RPS6KA2: variants seen among roughly 807,000 people sequenced by gnomAD.
RPS6KA2 encodes the protein ribosomal protein S6 kinase A2, also known as ribosomal protein S6 kinase alpha-2.
A neutral mutation model predicts 91.8 loss-of-function variants in RPS6KA2; 42 were observed. That is an observed-to-expected ratio of 0.46 (90% CI 0.36 to 0.59). RPS6KA2 has a LOEUF of 0.59. Among genes scored for constraint, RPS6KA2 ranks in the 20% least tolerant of loss-of-function variants. The pLI is 0.00. For synonymous variants in RPS6KA2, 414 were observed against 393.6 expected (o/e 1.05, Z -0.61); for missense variants, 798 against 978.5 (o/e 0.82, Z 2.46).
rs540905849 is a variant in RPS6KA2 at position 166,491,401 on chromosome 6, A to G, written c.748-660T>C. 1.7e-3 allele frequency among the ~76,000 whole-genome samples: 254 copies of G among 152,314 alleles called. 1 individual carries two copies. The highest frequency in any genetic ancestry group is 5.7e-3 in the African/African-American group (239 of 41,572). ...TTCTTGCACCAACTCCCCCGGGCAC[A>G]TGCAGTGGTGATTACACACACTCTG... On this transcript the variant is annotated intron_variant, in intron 8 of 20. Transcript: ENST00000265678.
chr6:166,722,823 T>A (rs1424449786), intron 2 of RPS6KA2, among the ~76,000 whole-genome samples: 1 of 152,224 alleles, frequency 6.6e-6, no homozygotes, highest in Non-Finnish European at 1.5e-5. Flanking sequence ...TCAGTTTCCA[T>A]GAGCTTCAAT....
chr6:166,427,648 T>C (rs917785746), intron 16 of RPS6KA2, among the ~76,000 whole-genome samples: 2 of 152,176 alleles, frequency 1.3e-5, no homozygotes, highest in African/African-American at 4.8e-5. Flanking sequence ...AGCATTCTTA[T>C]ACACCAATAA....
In RPS6KA2 at chr6:166,706,590, G is replaced by A. The variant is rs1282448218; in HGVS notation, c.123+151610C>T. 2.0e-5 allele frequency among the ~76,000 whole-genome samples: 3 copies of A among 152,170 alleles called. No homozygotes were observed. The South Asian group carries it at 6.2e-4, about 31-fold the overall frequency. On this transcript the variant is annotated intron_variant, in intron 2 of 21. Transcript: ENST00000503859. ...TGAAGATGAAGAACGAGTATCATCT[G>A]TGCTCTTTCCATCCCATGCTGCATA... is the stretch of plus-strand genomic sequence containing the variant.
At chr6:166,565,932 T>G (rs1281370640) in intron 1 of RPS6KA2, among the ~76,000 whole-genome samples, 3 of 152,200 alleles carry the variant, frequency 2.0e-5, no homozygotes, top group Non-Finnish European at 4.4e-5. Context: ...GGAGGACATT[T>G]CTAACAAAAC....
In RPS6KA2 at chr6:166,413,788, C is replaced by A. The variant is rs753378868; in HGVS notation, c.2076+6G>T. ...CCACTCTGTCCTCACTGTCGCCTGC[C>A]GGTACCTTCACCAGGTGCACGTCCT... On this transcript the variant is annotated splice_donor_region_variant and intron_variant, in intron 20 of 20. Transcript: ENST00000265678. 2 of 1,613,860 alleles carry A rather than the reference C, an allele frequency of 1.2e-6. No homozygotes were observed. The highest frequency in any genetic ancestry group is 1.3e-5 in the African/African-American group (1 of 75,028).
intron 3 of RPS6KA2, among the ~76,000 whole-genome samples, chr6:166,516,846 T>G (rs1782661303): frequency 6.6e-6 from 1 of 152,216 alleles, no homozygotes; most frequent in Admixed American, 6.5e-5. Flanking sequence ...TGAAGCAGCA[T>G]GGCAGAGAAA....
chr6:166,777,502 C>T lies in RPS6KA2; in HGVS notation c.123+80698G>A, dbSNP rs59535913. Among the ~76,000 whole-genome samples, 421 of 152,044 alleles carry T rather than the reference C, an allele frequency of 2.8e-3. 3 individuals are homozygous for T. Among genetic ancestry groups the T allele is most frequent in the African/African-American group, 9.1e-3 (379 of 41,434 alleles). ...AGAACCCAGGCAGCGCCACTCTGCACGATGGGCAGAGGACACACAAAAAGG... is the reference window on the plus strand; with the variant it reads ...AGAACCCAGGCAGCGCCACTCTGCATGATGGGCAGAGGACACACAAAAAGG... On this transcript the variant is annotated intron_variant, in intron 2 of 21. Transcript: ENST00000503859.
At chr6:166,693,422 G>T (rs981343053) in intron 2 of RPS6KA2, among the ~76,000 whole-genome samples, 9 of 152,106 alleles carry the variant, frequency 5.9e-5, no homozygotes, top group African/African-American at 2.2e-4. Flanking sequence ...ACATCAGCAG[G>T]GCCTCTACTA....
Position 166,648,168 on chromosome 6 carries a change from A to C in RPS6KA2, c.124-109384T>G, listed in dbSNP as rs1431434559. Among the ~76,000 whole-genome samples, 11 of 143,948 alleles carry C rather than the reference A, an allele frequency of 7.6e-5. No individual in the cohort carries two copies. The highest frequency in any genetic ancestry group is 2.1e-4 in the Admixed American group (3 of 14,544). The allele number at this position is 143,948 out of a possible 152,430, so 94.4% of individuals were successfully genotyped here. ...CGCACATGGTTACACACCCATGCACACATGCTCACACACATGCACACATGC... is the reference window on the plus strand; with the variant it reads ...CGCACATGGTTACACACCCATGCACCCATGCTCACACACATGCACACATGC... On this transcript the variant is annotated intron_variant, in intron 2 of 21. Transcript: ENST00000503859. The surrounding 1 kb of genome is among the most constrained non-coding windows in gnomAD (Gnocchi z 4.8).
intron 2 of RPS6KA2, among the ~76,000 whole-genome samples, chr6:166,646,272 A>C (rs2128552028): frequency 6.6e-6 from 1 of 152,376 alleles, no homozygotes; most frequent in African/African-American, 2.4e-5. Context: ...GCTGCAGAAC[A>C]GAAGCGGCGG....
chr6:166,472,377 A>G (rs983766554), intron 10 of RPS6KA2, among the ~76,000 whole-genome samples: 2 of 152,244 alleles, frequency 1.3e-5, no homozygotes, highest in Non-Finnish European at 2.9e-5. Context: ...CTACTATGTA[A>G]CTGGTATATG....
chr6:166,610,963 AT>A (rs1288725728), intron 1 of RPS6KA2, among the ~76,000 whole-genome samples: 3 of 152,212 alleles, frequency 2.0e-5, no homozygotes, highest in African/African-American at 7.2e-5. Flanking sequence ...GGAGAGTATT[AT>A]GAGAATGAGA....
intron 2 of RPS6KA2, among the ~76,000 whole-genome samples, chr6:166,647,897 CAT>C (rs1787682276): frequency 3.3e-5 from 5 of 150,050 alleles, no homozygotes; most frequent in African/African-American, 1.2e-4. Context: ...TACATACACA[CAT>C]GCTCACACAC....
At chr6:166,449,220 G>T (rs1779773225) in intron 13 of RPS6KA2, among the ~76,000 whole-genome samples, 1 of 152,182 alleles carries the variant, frequency 6.6e-6, no homozygotes, top group East Asian at 1.9e-4. Flanking sequence ...ACTCTGGATG[G>T]AAACATCTCA....
intron 2 of RPS6KA2, among the ~76,000 whole-genome samples, chr6:166,681,701 C>T (rs1285351829): frequency 6.3e-4 from 48 of 76,134 alleles, no homozygotes; most frequent in Non-Finnish European, 1.1e-3. Context: ...CCCCCCCCCC[C>T]GCCCCCGCCC....
At chr6:166,766,246 T>C (rs1385611794) in intron 2 of RPS6KA2, among the ~76,000 whole-genome samples, 1 of 152,218 alleles carries the variant, frequency 6.6e-6, no homozygotes, top group African/African-American at 2.4e-5. Flanking sequence ...ATATATTGAA[T>C]AACTTAAATC....
chr6:166,474,844 C>CTT (rs1780905484), intron 10 of RPS6KA2, among the ~76,000 whole-genome samples: 1 of 152,132 alleles, frequency 6.6e-6, no homozygotes, highest in African/African-American at 2.4e-5. Context: ...CGAGCCTCTC[C>CTT]CATCTCAGCC....
chr6:166,699,365 G>C (rs1484462996), intron 2 of RPS6KA2, among the ~76,000 whole-genome samples: 1 of 151,994 alleles, frequency 6.6e-6, no homozygotes, highest in Non-Finnish European at 1.5e-5. Flanking sequence ...AAAGGTAAAA[G>C]GGCATTTTTT....
intron 2 of RPS6KA2, among the ~76,000 whole-genome samples, chr6:166,684,395 G>T (rs745546242): frequency 2.0e-5 from 3 of 152,222 alleles, no homozygotes; most frequent in African/African-American, 4.8e-5. Flanking sequence ...CCTGCCCTGA[G>T]CTGCTACTTT....
Sources: allele counts gnomAD v4.1 joint callset (sites outside exome capture counted in the v4.1 genomes callset), GRCh38; gene constraint gnomAD v4.1.1; non-coding constraint Gnocchi (gnomAD v3.1); transcripts MANE v1.5; gene names NCBI Gene and HGNC (gene_info 2026-07-23, HGNC 2026-07-21).